Variants in DNAAF4 observed in about 807,000 individuals in gnomAD.
DNAAF4 encodes the protein dynein axonemal assembly factor 4, also known as dynein assembly factor 4, axonemal.
A neutral mutation model predicts 51.8 loss-of-function variants in DNAAF4; 43 were observed. That is an observed-to-expected ratio of 0.83 (90% CI 0.65 to 1.07). DNAAF4 has a LOEUF of 1.07. Among genes scored for constraint, DNAAF4 ranks in the 50% least tolerant of loss-of-function variants. The probability of loss-of-function intolerance (pLI) is 0.00; values close to 1 mark genes in which losing one functional copy is unlikely to be tolerated. For missense variants in DNAAF4, 581 were observed against 493.0 expected (o/e 1.18, Z -1.69); for synonymous variants, 194 against 165.6 (o/e 1.17, Z -1.32).
chr15:55,430,875 G>T (rs1266192509), intron 9 of DNAAF4, 96 bp from the exon 10 acceptor site: 2 of 985,608 alleles, frequency 2.0e-6, no homozygotes, highest in Non-Finnish European at 3.0e-6. Context: ...ATAATCACTA[G>T]TAGCATGGTT....
chr15:55,427,056 TTTTG>T (rs1377482449), downstream of DNAAF4, among the ~76,000 whole-genome samples: 1 of 149,786 alleles, frequency 6.7e-6, no homozygotes, highest in African/African-American at 2.5e-5. Context: ...ACCAGAGTTT[TTTTG>T]TTTTTTTTTG....
At chr15:55,434,883 T>C in intron 8 of DNAAF4, 22 bp downstream of exon 8, 1 of 1,567,416 alleles carries the variant, frequency 6.4e-7, no homozygotes, top group East Asian at 2.3e-5. Context: ...AAGCACCATA[T>C]ATCATACATA....
intron 1 of DNAAF4, among the ~76,000 whole-genome samples, chr15:55,501,083 C>T (rs539062144): frequency 1.7e-4 from 26 of 150,176 alleles, no homozygotes; most frequent in African/African-American, 6.1e-4. Context: ...GTTGTTTTTT[C>T]AGACGGAGTC....
intron 8 of DNAAF4, 100 bp downstream of exon 8, chr15:55,434,805 C>T: frequency 1.0e-6 from 1 of 999,162 alleles, no homozygotes; most frequent in Admixed American, 3.1e-5. Context: ...AAAATCTTTG[C>T]ATCTCAATTA....
chr15:55,463,468 T>C (rs2058124356), intron 5 of DNAAF4, among the ~76,000 whole-genome samples: 1 of 152,016 alleles, frequency 6.6e-6, no homozygotes, highest in South Asian at 2.1e-4. Context: ...AGAAAGAGCA[T>C]CTAAATCAGT....
intron 4 of DNAAF4, among the ~76,000 whole-genome samples, chr15:55,483,165 C>G (rs138411733): frequency 6.6e-6 from 1 of 152,056 alleles, no homozygotes; most frequent in Non-Finnish European, 1.5e-5. Context: ...GGCTCAATCT[C>G]GGCTCAATGC....
At chr15:55,507,516 T>A (rs2141617616) in intron 1 of DNAAF4, among the ~76,000 whole-genome samples, 1 of 152,294 alleles carries the variant, frequency 6.6e-6, no homozygotes, top group Admixed American at 6.5e-5. Context: ...ACTGAATGCA[T>A]ATAGCTTTTG....
chr15:55,477,208 G>T (rs2058347441), intron 4 of DNAAF4, among the ~76,000 whole-genome samples: 1 of 151,936 alleles, frequency 6.6e-6, no homozygotes, highest in African/African-American at 2.4e-5. Flanking sequence ...TTCTGGAGAT[G>T]GTTAGTAGTG....
At chr15:55,487,126 G>C (rs1417356755) in intron 4 of DNAAF4, among the ~76,000 whole-genome samples, 2 of 152,206 alleles carry the variant, frequency 1.3e-5, no homozygotes, top group African/African-American at 4.8e-5. Context: ...CCTGGGTCAA[G>C]TGGGGACTTG....
chr15:55,442,941 A>C, intron 6 of DNAAF4: 2 of 1,611,630 alleles, frequency 1.2e-6, no homozygotes, highest in South Asian at 2.2e-5. Context: ...GGACTCCTTG[A>C]AATAAGCAAA....
chr15:55,422,035 C>T (rs1022412077), intron 7 of DNAAF4, among the ~76,000 whole-genome samples: 1 of 151,286 alleles, frequency 6.6e-6, no homozygotes, highest in African/African-American at 2.4e-5. Flanking sequence ...GACCAAAAAG[C>T]ATGTATAAAT....
At chr15:55,431,028 C>T (rs2057484446) in intron 9 of DNAAF4, among the ~76,000 whole-genome samples, 1 of 151,958 alleles carries the variant, frequency 6.6e-6, no homozygotes, top group Non-Finnish European at 1.5e-5. Context: ...ATTCTTCTGC[C>T]TCAGCCTCCT....
In DNAAF4 at chr15:55,502,951, C is replaced by CA. The variant is rs550423377; in HGVS notation, c.-255-4368dup. 2.3e-3 allele frequency among the ~76,000 whole-genome samples: 349 copies of CA among 151,936 alleles called. 1 individual carries two copies. Among genetic ancestry groups the CA allele is most frequent in the African/African-American group, 8.1e-3 (334 of 41,428 alleles). On this transcript the variant is annotated intron_variant, in intron 1 of 9. Coordinates refer to ENST00000321149, the MANE Select transcript of DNAAF4 (RefSeq NM_130810.4). The stretch of plus-strand genomic sequence containing the variant: ...AAAAGAACTGAAGGAGATAGAGACA[C>CA]AAAAAACCATTCAAAAAAATCAGTG...
At position 55,498,305 on chromosome 15, in the gene DNAAF4, T is replaced by C. The variant is rs2058667804; in HGVS notation, c.25A>G (p.Ser9Gly). Residue 9 changes from serine (S) to glycine (G), a missense_variant, in exon 2 of 10, where the codon AGC becomes GGC. Ser to Gly is a moderately conservative substitution (Grantham distance 56, BLOSUM62 0). Transcript: ENST00000321149. MPLQVSDY[S>G]WQQTKTAVFL... ...ACCGCAGTCTTCGTCTGCTGCCAGC[T>C]GTAATCGCTAACCTGAAGAGGCATT... is the stretch of plus-strand genomic sequence containing the variant. The C allele has an allele frequency of 1.9e-6, 3 of 1,612,420 alleles. No homozygotes were observed. The highest frequency in any genetic ancestry group is 1.3e-5 in the African/African-American group (1 of 74,844).
chr15:55,430,490 T>A lies in DNAAF4; in HGVS notation c.*180A>T. On this transcript the variant is annotated 3_prime_UTR_variant, in exon 10 of 10. Transcript: ENST00000321149. ...AAAATAGATTCTTATTTAGATTTACTTATTCAGAAATGATTCAAGTCAAAC... is the reference window on the plus strand; with the variant it reads ...AAAATAGATTCTTATTTAGATTTACATATTCAGAAATGATTCAAGTCAAAC... 1 of 1,156,034 alleles carries A rather than the reference T, an allele frequency of 8.7e-7. No homozygotes were observed. Among genetic ancestry groups the A allele is most frequent in the Non-Finnish European group, 1.1e-6 (1 of 921,838 alleles). 71.6% of individuals were successfully genotyped at this position (1,156,034 alleles called of 1,614,324 possible).
chr15:55,482,434 T>G (rs1162896278), intron 4 of DNAAF4, among the ~76,000 whole-genome samples: 1 of 152,132 alleles, frequency 6.6e-6, no homozygotes, highest in Non-Finnish European at 1.5e-5. Flanking sequence ...CTCAGCACTT[T>G]GGGAGGCCGA....
chr15:55,463,916 C>T (rs1167714288), intron 5 of DNAAF4, among the ~76,000 whole-genome samples: 1 of 152,018 alleles, frequency 6.6e-6, no homozygotes, highest in Non-Finnish European at 1.5e-5. Context: ...CAATTCCCAT[C>T]AAAATATCAT....
intron 4 of DNAAF4, among the ~76,000 whole-genome samples, chr15:55,488,570 T>C (rs1024956716): frequency 6.6e-6 from 1 of 152,164 alleles, no homozygotes; most frequent in African/African-American, 2.4e-5. Flanking sequence ...ATTCAAATGT[T>C]TGAGCACCAA....
At chr15:55,460,414 C>A (rs959784325) in intron 5 of DNAAF4, among the ~76,000 whole-genome samples, 4 of 150,684 alleles carry the variant, frequency 2.7e-5, no homozygotes, top group African/African-American at 9.7e-5. Context: ...TCCTGACCAC[C>A]CGTGATCCAC....
Sources: allele counts gnomAD v4.1 joint callset (sites outside exome capture counted in the v4.1 genomes callset), GRCh38; gene constraint gnomAD v4.1.1; transcripts MANE v1.5; gene names NCBI Gene and HGNC (gene_info 2026-07-23, HGNC 2026-07-21).